The following ECPAS variants were observed in gnomAD, a reference collection of about 807,000 sequenced individuals.
The protein encoded by ECPAS is proteasome adapter and scaffold protein ECM29.
ECPAS carries 70 observed loss-of-function variants against 255.1 expected under a neutral mutation model. The observed-to-expected ratio is 0.27, with a 90% CI of 0.23 to 0.33. The LOEUF is 0.33. ECPAS is among the 10% of genes least tolerant of loss of function. The probability of loss-of-function intolerance (pLI) is 1.00; values close to 1 mark genes in which losing one functional copy is unlikely to be tolerated. For synonymous variants in ECPAS, 784 were observed against 775.0 expected, an observed-to-expected ratio of 1.01 and a Z score of -0.19; for missense variants, 1,817 against 2,206.4, an observed-to-expected ratio of 0.82 and a Z score of 3.54.
At chr9:111,381,210 T>C (rs1475455084) in intron 35 of ECPAS, among the ~76,000 whole-genome samples, 1 of 152,194 alleles carries the variant, frequency 6.6e-6, no homozygotes, top group South Asian at 2.1e-4. Context: ...TCCCTTCATT[T>C]AGACAGAGGG....
At chr9:111,469,482 A>T (rs944192665) in intron 2 of ECPAS, among the ~76,000 whole-genome samples, 1 of 149,110 alleles carries the variant, frequency 6.7e-6, no homozygotes, top group Non-Finnish European at 1.5e-5. Context: ...GTGAGCCGAG[A>T]TCCAGCCACT....
chr9:111,470,458 G>C (rs2098285918), intron 2 of ECPAS, among the ~76,000 whole-genome samples: 1 of 152,076 alleles, frequency 6.6e-6, no homozygotes, highest in Admixed American at 6.5e-5. Flanking sequence ...CTATAGGCAT[G>C]TGCCACGACA....
intron 49 of ECPAS, among the ~76,000 whole-genome samples, chr9:111,362,614 C>A (rs1289872740): frequency 6.6e-6 from 1 of 152,000 alleles, no homozygotes; most frequent in Non-Finnish European, 1.5e-5. Context: ...GATGACACTC[C>A]CTTTTCTTCG....
rs570812745 is a variant in ECPAS, at chr9:111,468,430, T to C, written c.22+4467A>G. Among the ~76,000 whole-genome samples, 14 of 152,192 alleles carry C rather than the reference T, an allele frequency of 9.2e-5. No individual in the cohort carries two copies. The East Asian group carries it at 2.5e-3, about 27-fold the overall frequency. On this transcript the variant is annotated intron_variant, in intron 2 of 49. Coordinates refer to ENST00000684092, the MANE Select transcript of ECPAS (RefSeq NM_001364929.1). ...TAAGCGAGAAAGTAGGTGGAGAAGA[T>C]ACTAAATCTTACTAGACAACTGTAT...
At chr9:111,383,550 C>A (rs895742454) in intron 34 of ECPAS, among the ~76,000 whole-genome samples, 1 of 152,140 alleles carries the variant, frequency 6.6e-6, no homozygotes, top group African/African-American at 2.4e-5. Flanking sequence ...ACTCTCTAAG[C>A]ACTGGTCCTC....
intron 7 of ECPAS, 146 bp from the exon 8 acceptor site, chr9:111,433,518 C>T (rs946205241): frequency 8.4e-5 from 59 of 699,978 alleles, no homozygotes; most frequent in African/African-American, 8.1e-4. Flanking sequence ...TACAATGTGC[C>T]GGGGACTGTA....
chr9:111,399,153 T>C (rs1377816552), intron 24 of ECPAS, among the ~76,000 whole-genome samples: 3 of 151,978 alleles, frequency 2.0e-5, no homozygotes, highest in African/African-American at 7.3e-5. Flanking sequence ...ATGTACCCCA[T>C]AAATATATAC....
rs140835461 is a variant in ECPAS at position 111,364,401 on chromosome 9, A to T, written c.5309-742T>A. Among the ~76,000 whole-genome samples, 584 of 152,322 alleles carry T rather than the reference A, an allele frequency of 3.8e-3. 10 individuals carry two copies. Among genetic ancestry groups the T allele is most frequent in the East Asian group, 0.022 (113 of 5,180 alleles). On this transcript the variant is annotated intron_variant, in intron 48 of 49. Coordinates refer to ENST00000684092, the MANE Select transcript of ECPAS (RefSeq NM_001364929.1). ...ACAACTGGAATAACGAATTAGATTT[A>T]AAAAATTAAATTATAAACCATTTGA...
At chr9:111,467,956 C>G (rs2098281545) in intron 2 of ECPAS, among the ~76,000 whole-genome samples, 1 of 152,066 alleles carries the variant, frequency 6.6e-6, no homozygotes, top group Non-Finnish European at 1.5e-5. Flanking sequence ...AGTTCAAGAC[C>G]AGCCTGACCA....
chr9:111,420,097 C>T lies in ECPAS; in HGVS notation c.1479G>A (p.Val493=), dbSNP rs1162414014. ...LIKPEVQVRQ[V]AVKFASTVFP... ...ACACCGTACTGGCAAATTTCACAGCCACTTGTCGAACTTGAACTTCAGGCT... is the reference window on the plus strand; with the variant it reads ...ACACCGTACTGGCAAATTTCACAGCTACTTGTCGAACTTGAACTTCAGGCT... Residue 493 remains valine, a synonymous_variant, in exon 16 of 50, where the codon GTG becomes GTA. Coordinates refer to ENST00000684092, the MANE Select transcript of ECPAS (RefSeq NM_001364929.1). 6.2e-7 allele frequency: 1 copy of T among 1,612,250 alleles called. No homozygotes were observed. The highest frequency in any genetic ancestry group is 1.3e-5 in the African/African-American group (1 of 74,654).
At chr9:111,381,052 CG>C (rs2098139972) in intron 35 of ECPAS, among the ~76,000 whole-genome samples, 1 of 152,238 alleles carries the variant, frequency 6.6e-6, no homozygotes, top group African/African-American at 2.4e-5. Context: ...CTTTAAACTT[CG>C]TTTAAGAACA....
At position 111,384,552 on chromosome 9, in the gene ECPAS, C is replaced by T. The variant is rs16916040; in HGVS notation, c.3651G>A (p.Ala1217=). 36,152 of 1,613,428 alleles carry T rather than the reference C, an allele frequency of 0.022. 1,547 individuals are homozygous for T. Among genetic ancestry groups the T allele is most frequent in the African/African-American group, 0.15 (11,431 of 74,948 alleles). The change falls in exon 34 of 50, where the codon GCG becomes GCA. Residue 1217 remains alanine (A), a synonymous_variant. Transcript: ENST00000684092. ...QDDIKESVRK[A]AELALKTLSK... ...TCAGAGTTTTCAGAGCTAGTTCTGCCGCTTTTCGTACAGATTCCTAAAAAT... is the reference window on the plus strand; with the variant it reads ...TCAGAGTTTTCAGAGCTAGTTCTGCTGCTTTTCGTACAGATTCCTAAAAAT...
At chr9:111,387,017 G>A (rs1013316789) in intron 31 of ECPAS, among the ~76,000 whole-genome samples, 1 of 152,242 alleles carries the variant, frequency 6.6e-6, no homozygotes, top group African/African-American at 2.4e-5. Context: ...TGCAGTTATT[G>A]TACAGGACAG....
intron 35 of ECPAS, 101 bp downstream of exon 35, chr9:111,383,110 A>G: frequency 7.1e-7 from 1 of 1,416,820 alleles, no homozygotes; most frequent in Non-Finnish European, 9.7e-7. Flanking sequence ...TCATTCTCCT[A>G]AACCTCTTTC....
intron 1 of ECPAS, among the ~76,000 whole-genome samples, chr9:111,476,811 T>C (rs2132111011): frequency 6.6e-6 from 1 of 151,836 alleles, no homozygotes; most frequent in East Asian, 2.0e-4. Context: ...TACAGGCGTG[T>C]GCCACCACAA....
In ECPAS at chr9:111,385,408, G is replaced by A; in HGVS notation, c.3562C>T (p.Pro1188Ser). 2 of 1,578,668 alleles carry A rather than the reference G, an allele frequency of 1.3e-6. No individual in the cohort carries two copies. The highest frequency in any genetic ancestry group is 1.7e-6 in the Non-Finnish European group (2 of 1,160,146). Reference sequence around the variant, plus strand: ...AGTTTATCAATGATGTCATCTAAGGGTCTTCCTCTCAATAAATCATTCAAA... The same window carrying A: ...AGTTTATCAATGATGTCATCTAAGGATCTTCCTCTCAATAAATCATTCAAA... ...LALNDLLRGR[P>S]LDDIIDKLPE... The change falls in exon 33 of 50, where the codon CCC (proline) becomes TCC (serine). Residue 1188 changes from proline to serine, a missense_variant. This residue lies in a region of ECPAS where 960 missense variants were observed against 1,179.0 expected (regional missense o/e 0.81). Coordinates refer to ENST00000684092, the MANE Select transcript of ECPAS (RefSeq NM_001364929.1).
chr9:111,443,375 CA>C (rs2098248463), intron 4 of ECPAS, among the ~76,000 whole-genome samples: 1 of 152,130 alleles, frequency 6.6e-6, no homozygotes, highest in Non-Finnish European at 1.5e-5. Context: ...CTCAGTCTCC[CA>C]AGTAGCTGGG....
chr9:111,481,998 G>A lies in ECPAS; in HGVS notation c.-83+2118C>T, dbSNP rs1003391393. Among the ~76,000 whole-genome samples, 4 of 152,336 alleles carry A rather than the reference G, an allele frequency of 2.6e-5. No homozygotes were observed. In the East Asian group the frequency reaches 5.8e-4, roughly 22 times the overall value. On this transcript the variant is annotated intron_variant, in intron 1 of 49. Coordinates refer to ENST00000684092, the MANE Select transcript of ECPAS (RefSeq NM_001364929.1). ...GTATCAAGTTTCCGTTTTACAAGAC[G>A]AAGAGTTCTGGAAATGGATGGTGGT... is the stretch of plus-strand genomic sequence containing the variant.
intron 45 of ECPAS, among the ~76,000 whole-genome samples, 168 bp downstream of exon 45, chr9:111,370,267 C>A (rs1277798350): frequency 6.6e-6 from 1 of 152,238 alleles, no homozygotes; most frequent in South Asian, 2.1e-4. Flanking sequence ...ATGCTCCCAA[C>A]GCTTTGTGAG....
Sources: gnomAD v4.1 joint callset for allele counts (sites outside exome capture counted in the v4.1 genomes callset) on GRCh38, gnomAD v4.1.1 for gene constraint, gnomAD v4.1.1 regional missense constraint, MANE v1.5 for transcripts, NCBI Gene and HGNC (gene_info 2026-07-23, HGNC 2026-07-21) for gene names.